GRID2: variants seen among roughly 807,000 people sequenced by gnomAD.
The protein encoded by GRID2 is glutamate receptor ionotropic, delta-2.
Under a neutral mutation model 114.8 loss-of-function variants are expected in GRID2, and 33 were observed. The observed-to-expected ratio is 0.29, with a 90% CI of 0.22 to 0.38. The LOEUF is 0.38. Ranked by LOEUF, GRID2 falls within the 10% of genes least tolerant of loss-of-function variation. GRID2 has a pLI of 1.00. For missense variants in GRID2, 1,184 were observed against 1,257.7 expected (o/e 0.94, Z 0.89); for synonymous variants, 505 against 449.9 (o/e 1.12, Z -1.55).
intron 2 of GRID2, among the ~76,000 whole-genome samples, chr4:92,725,256 A>G (rs889597061): frequency 1.2e-4 from 18 of 152,094 alleles, no homozygotes; most frequent in Non-Finnish European, 2.5e-4. Context: ...GTGAGCTGAG[A>G]TTGCGCCACT....
intron 2 of GRID2, among the ~76,000 whole-genome samples, chr4:93,060,596 A>G (rs1366037120): frequency 2.0e-5 from 3 of 152,190 alleles, no homozygotes; most frequent in Non-Finnish European, 4.4e-5. Flanking sequence ...GTGCTCATAG[A>G]AATAGCCAAA....
chr4:93,227,576 A>AT (rs1745640568), intron 7 of GRID2, among the ~76,000 whole-genome samples: 1 of 152,050 alleles, frequency 6.6e-6, no homozygotes, highest in Non-Finnish European at 1.5e-5. Flanking sequence ...AGTTTTTCAG[A>AT]TTTTTTGTCT....
At chr4:93,243,467 T>C (rs548789492) in intron 8 of GRID2, among the ~76,000 whole-genome samples, 2 of 152,202 alleles carry the variant, frequency 1.3e-5, no homozygotes, top group East Asian at 1.9e-4. Flanking sequence ...GGTTTTTCAG[T>C]TGACGGACTG....
At chr4:93,295,172 C>G (rs1257440043) in intron 8 of GRID2, among the ~76,000 whole-genome samples, 2 of 152,032 alleles carry the variant, frequency 1.3e-5, no homozygotes, top group Non-Finnish European at 2.9e-5. Flanking sequence ...GGAAGGGATC[C>G]AGGCTGGAGA....
At chr4:93,413,374 T>G (rs1767396918) in intron 9 of GRID2, among the ~76,000 whole-genome samples, 1 of 152,208 alleles carries the variant, frequency 6.6e-6, no homozygotes, top group Admixed American at 6.5e-5. Flanking sequence ...TTTCATATGT[T>G]TATTGGTCAC....
Position 92,886,478 on chromosome 4 carries a change from A to G in GRID2, c.245-198517A>G, listed in dbSNP as rs1224181454. On this transcript the variant is annotated intron_variant, in intron 2 of 15. Coordinates refer to ENST00000282020, the MANE Select transcript of GRID2 (RefSeq NM_001510.4). ...GCCTTGAAGTGCCATAAAATGAAAT[A>G]TAATGAAATGAGGTATGCCTCTCCC... is the stretch of plus-strand genomic sequence containing the variant. 1.6e-4 allele frequency among the ~76,000 whole-genome samples: 25 copies of G among 152,276 alleles called. 1 individual carries two copies. Among genetic ancestry groups the G allele is most frequent in the Admixed American group, 1.6e-3 (24 of 15,298 alleles).
chr4:92,828,867 T>G (rs187290056), intron 2 of GRID2, among the ~76,000 whole-genome samples: 274 of 152,242 alleles, frequency 1.8e-3, no homozygotes, highest in African/African-American at 6.4e-3. Flanking sequence ...AGTTGTTTGT[T>G]TTTTTCTTGT....
intron 1 of GRID2, among the ~76,000 whole-genome samples, chr4:92,377,789 C>A (rs1729425099): frequency 6.6e-6 from 1 of 152,004 alleles, no homozygotes. Flanking sequence ...CTTATAAAAC[C>A]ATCGGATCTC....
intron 1 of GRID2, among the ~76,000 whole-genome samples, chr4:92,344,977 C>T (rs1448451267): frequency 2.0e-5 from 3 of 152,062 alleles, no homozygotes; most frequent in Admixed American, 1.3e-4. Context: ...GACTTTAGTC[C>T]ACCTGTCACC....
chr4:92,650,526 A>T (rs1731874273), intron 2 of GRID2, among the ~76,000 whole-genome samples: 1 of 152,070 alleles, frequency 6.6e-6, no homozygotes, highest in Non-Finnish European at 1.5e-5. Context: ...CTTTGGTAAT[A>T]AGGATTAATC....
intron 13 of GRID2, among the ~76,000 whole-genome samples, chr4:93,538,730 A>G (rs1732356971): frequency 6.6e-6 from 1 of 151,824 alleles, no homozygotes; most frequent in Non-Finnish European, 1.5e-5. Context: ...AAATTAAGGG[A>G]CATACTCCAA....
intron 2 of GRID2, among the ~76,000 whole-genome samples, chr4:92,876,920 T>A (rs554661197): frequency 2.6e-5 from 4 of 152,320 alleles, no homozygotes; most frequent in African/African-American, 9.6e-5. Flanking sequence ...ATTGAATTAA[T>A]CCCTGAAAAC....
intron 2 of GRID2, among the ~76,000 whole-genome samples, chr4:92,746,544 A>G (rs573072832): frequency 3.9e-5 from 6 of 152,094 alleles, no homozygotes; most frequent in African/African-American, 1.2e-4. Context: ...AAGCAACATG[A>G]CCATTTTGTT....
At chr4:93,220,640 C>T (rs1490494056) in intron 6 of GRID2, among the ~76,000 whole-genome samples, 2 of 152,018 alleles carry the variant, frequency 1.3e-5, no homozygotes, top group African/African-American at 2.4e-5. Context: ...TAGAATATGC[C>T]TTAGATGTAT....
chr4:92,426,707 A>G (rs1207148478), intron 1 of GRID2, among the ~76,000 whole-genome samples: 4 of 152,160 alleles, frequency 2.6e-5, no homozygotes, highest in Non-Finnish European at 5.9e-5. Flanking sequence ...TTTATTATAT[A>G]TTATGTGAAA....
intron 8 of GRID2, among the ~76,000 whole-genome samples, chr4:93,301,315 A>G (rs1294921848): frequency 1.3e-5 from 2 of 152,234 alleles, no homozygotes; most frequent in East Asian, 1.9e-4. Flanking sequence ...AAGTGTTTAT[A>G]TATTTAACCT....
chr4:92,458,966 G>C (rs964872416), intron 1 of GRID2, among the ~76,000 whole-genome samples: 2 of 152,148 alleles, frequency 1.3e-5, no homozygotes, highest in African/African-American at 4.8e-5. Flanking sequence ...ATGCAAGTTG[G>C]TTTAAGTCCT....
At chr4:93,012,389 A>G (rs1170283341) in intron 2 of GRID2, among the ~76,000 whole-genome samples, 1 of 152,022 alleles carries the variant, frequency 6.6e-6, no homozygotes, top group Admixed American at 6.6e-5. Context: ...ACTATACCTA[A>G]GGTCTCTCTT....
At chr4:92,822,400 C>T in intron 2 of GRID2, 1 of 589,706 alleles carries the variant, frequency 1.7e-6, no homozygotes, top group South Asian at 1.4e-5. Context: ...TAGCCAGATT[C>T]CGTACCTTGA....
Sources: gnomAD v4.1 joint callset for allele counts (sites outside exome capture counted in the v4.1 genomes callset) on GRCh38, gnomAD v4.1.1 for gene constraint, MANE v1.5 for transcripts, NCBI Gene and HGNC (gene_info 2026-07-23, HGNC 2026-07-21) for gene names.